LARS2: variants seen among roughly 807,000 people sequenced by gnomAD.
The protein encoded by LARS2 is leucine--tRNA ligase, mitochondrial.
Under a neutral mutation model 116.6 loss-of-function variants are expected in LARS2, and 81 were observed. That is an observed-to-expected ratio of 0.69 (90% CI 0.58 to 0.84). LARS2 has a LOEUF of 0.84. Ranked by LOEUF, LARS2 falls within the 40% of genes least tolerant of loss-of-function variation. The pLI is 0.00. For missense variants in LARS2, 968 were observed against 1,114.5 expected (o/e 0.87, Z 1.87); for synonymous variants, 396 against 407.2 (o/e 0.97, Z 0.33).
intron 15 of LARS2, among the ~76,000 whole-genome samples, chr3:45,507,986 G>GA (rs1700224262): frequency 6.6e-6 from 1 of 152,048 alleles, no homozygotes; most frequent in Non-Finnish European, 1.5e-5. Flanking sequence ...GGTTGAAAGA[G>GA]AGGGGGCACA....
chr3:45,462,712 T>C (rs1184429627), intron 8 of LARS2, among the ~76,000 whole-genome samples: 1 of 152,204 alleles, frequency 6.6e-6, no homozygotes, highest in African/African-American at 2.4e-5. Context: ...TGTATTTGCA[T>C]CTCGTTTTGC....
At chr3:45,508,356 A>G (rs1700229468) in intron 15 of LARS2, among the ~76,000 whole-genome samples, 1 of 152,060 alleles carries the variant, frequency 6.6e-6, no homozygotes, top group African/African-American at 2.4e-5. Context: ...GAGAAGCTTT[A>G]CTTGGGTCCT....
chr3:45,415,413 A>T (rs929478734), intron 4 of LARS2, among the ~76,000 whole-genome samples: 1 of 152,182 alleles, frequency 6.6e-6, no homozygotes, highest in Non-Finnish European at 1.5e-5. Flanking sequence ...TAACTCACTT[A>T]ATCTTCACAG....
chr3:45,495,063 A>G (rs770756521), intron 13 of LARS2, among the ~76,000 whole-genome samples: 6 of 152,154 alleles, frequency 3.9e-5, no homozygotes, highest in Non-Finnish European at 8.8e-5. Flanking sequence ...GCCAGACTCC[A>G]TCTCAAAATA....
chr3:45,525,164 G>T (rs1201379681), intron 20 of LARS2, among the ~76,000 whole-genome samples: 1 of 152,144 alleles, frequency 6.6e-6, no homozygotes, highest in African/African-American at 2.4e-5. Context: ...GCTAAGATGA[G>T]ACTTATTTTT....
intron 6 of LARS2, among the ~76,000 whole-genome samples, chr3:45,428,074 G>A (rs1025673183): frequency 6.6e-6 from 1 of 151,778 alleles, no homozygotes; most frequent in African/African-American, 2.4e-5. Flanking sequence ...ACCCGCCTCG[G>A]CCTCCCAAAT....
At chr3:45,417,137 G>A (rs1698437643) in intron 4 of LARS2, among the ~76,000 whole-genome samples, 1 of 148,486 alleles carries the variant, frequency 6.7e-6, no homozygotes, top group African/African-American at 2.5e-5. Flanking sequence ...TATACATTAT[G>A]TGTGTGTGTG....
At chr3:45,448,445 A>C (rs1699057066) in intron 7 of LARS2, among the ~76,000 whole-genome samples, 1 of 152,108 alleles carries the variant, frequency 6.6e-6, no homozygotes. Flanking sequence ...TAGTGCCAAG[A>C]CCAGCTCGGT....
rs1391920190 is a variant in LARS2, at chr3:45,488,828, C to T, written c.1239+16C>T. 2 of 1,454,846 alleles carry T rather than the reference C, an allele frequency of 1.4e-6. No homozygotes were observed. Among genetic ancestry groups the T allele is most frequent in the Non-Finnish European group, 1.9e-6 (2 of 1,034,478 alleles). The allele number at this position is 1,454,846 out of a possible 1,614,324, so 90.1% of individuals were successfully genotyped here. A position where few individuals can be genotyped will look rare whatever the true frequency, so the allele number is the denominator to read the frequency against. ...CTCTGCTGAGGTTGGTGACTAAGAA[C>T]TTACTTCCAGAATGATCACCTTGAT... is the stretch of plus-strand genomic sequence containing the variant. On this transcript the variant is annotated intron_variant, in intron 12 of 21. Coordinates refer to ENST00000645846, the MANE Select transcript of LARS2 (RefSeq NM_015340.4).
intron 15 of LARS2, among the ~76,000 whole-genome samples, chr3:45,502,521 C>T (rs1254905456): frequency 6.6e-6 from 1 of 152,072 alleles, no homozygotes; most frequent in African/African-American, 2.4e-5. Flanking sequence ...TATCCCAGGG[C>T]TTATTGATAG....
At position 45,537,181 on chromosome 3, in the gene LARS2, T is replaced by C. The variant is rs551150776; in HGVS notation, c.2405-4648T>C. ...TATAGTTCTGTGTGACTTTTCCTTCTCAATATTTGCCTCTGGTGTGTGACT... is the reference window on the plus strand; with the variant it reads ...TATAGTTCTGTGTGACTTTTCCTTCCCAATATTTGCCTCTGGTGTGTGACT... On this transcript the variant is annotated intron_variant, in intron 20 of 21. Coordinates refer to ENST00000645846, the MANE Select transcript of LARS2 (RefSeq NM_015340.4). Among the ~76,000 whole-genome samples, 8 of 152,322 alleles carry C rather than the reference T, an allele frequency of 5.3e-5. No homozygotes were observed. The South Asian group carries it at 1.7e-3, about 32-fold the overall frequency.
chr3:45,485,025 GA>G (rs1485801382), intron 10 of LARS2, among the ~76,000 whole-genome samples: 1 of 151,966 alleles, frequency 6.6e-6, no homozygotes, highest in Non-Finnish European at 1.5e-5. Context: ...GCTCAGATCT[GA>G]CCTGGTCATT....
chr3:45,421,070 A>T (rs1314921195), intron 6 of LARS2: 1 of 152,174 alleles, frequency 6.6e-6, no homozygotes, highest in Non-Finnish European at 1.5e-5. Context: ...TGACTTTTAT[A>T]GCTGAGCAGT....
Position 45,478,089 on chromosome 3 carries a change from T to C in LARS2, c.1018+1462T>C, listed in dbSNP as rs188268310. ...GCAGATGTCACCTCTCAGTTTCACC[T>C]CTTTGCAATATGTATTGAAATAGAG... On this transcript the variant is annotated intron_variant, in intron 10 of 21. Transcript: ENST00000645846. Among the ~76,000 whole-genome samples the C allele has an allele frequency of 1.7e-4, 26 of 152,326 alleles. No individual in the cohort carries two copies. In the East Asian group the frequency reaches 4.6e-3, roughly 27 times the overall value.
At chr3:45,528,844 A>T (rs941657931) in intron 20 of LARS2, among the ~76,000 whole-genome samples, 5 of 147,830 alleles carry the variant, frequency 3.4e-5, no homozygotes, top group Admixed American at 2.8e-4. Context: ...ACATATATTT[A>T]TGGGCCATTA....
Position 45,496,262 on chromosome 3 carries a change from ATTTC to A in LARS2, c.1524-6_1524-3del. The A allele has an allele frequency of 6.3e-7, 1 of 1,594,084 alleles. No homozygotes were observed. Among genetic ancestry groups the A allele is most frequent in the Non-Finnish European group, 8.6e-7 (1 of 1,162,628 alleles). On this transcript the variant is annotated splice_polypyrimidine_tract_variant and intron_variant, in intron 13 of 21. Transcript: ENST00000645846. The stretch of plus-strand genomic sequence containing the variant: ...AAAAAGAAACCAATTGATGAATTTC[ATTTC>A]TTTCTTAGGTGCAAGGGAGCAGCCA...
At chr3:45,475,785 CAGTT>C (rs1187380455) in intron 9 of LARS2, among the ~76,000 whole-genome samples, 2 of 152,212 alleles carry the variant, frequency 1.3e-5, no homozygotes, top group African/African-American at 4.8e-5. Flanking sequence ...ACCTAATTGG[CAGTT>C]AGGCCAAGTG....
At chr3:45,434,825 AG>A (rs1345947336) in intron 6 of LARS2, among the ~76,000 whole-genome samples, 1 of 152,068 alleles carries the variant, frequency 6.6e-6, no homozygotes, top group African/African-American at 2.4e-5. Flanking sequence ...GAGGGGAGAG[AG>A]GGTCTCCTTG....
intron 6 of LARS2, among the ~76,000 whole-genome samples, chr3:45,426,828 C>T (rs912847950): frequency 2.6e-5 from 4 of 152,254 alleles, no homozygotes; most frequent in South Asian, 2.1e-4. Context: ...TTGTTTTGTC[C>T]GCAGTTCCAG....
Sources: allele counts gnomAD v4.1 joint callset (sites outside exome capture counted in the v4.1 genomes callset), GRCh38; gene constraint gnomAD v4.1.1; transcripts MANE v1.5; gene names NCBI Gene and HGNC (gene_info 2026-07-23, HGNC 2026-07-21).